The following KIF13B variants were observed in gnomAD, a reference collection of about 807,000 sequenced individuals.
The protein encoded by KIF13B is kinesin family member 13B, also known as kinesin-like protein KIF13B.
In KIF13B, 127 loss-of-function variants were observed where a neutral mutation model predicts 222.0. The observed-to-expected ratio is 0.57, with a 90% CI of 0.50 to 0.66. KIF13B has a LOEUF of 0.66. Among genes scored for constraint, KIF13B ranks in the 30% least tolerant of loss-of-function variants. KIF13B has a pLI of 0.00. For synonymous variants in KIF13B, 976 were observed against 919.0 expected, an observed-to-expected ratio of 1.06 and a Z score of -1.12; for missense variants, 2,173 against 2,379.0, an observed-to-expected ratio of 0.91 and a Z score of 1.80.
intron 36 of KIF13B, among the ~76,000 whole-genome samples, chr8:29,094,581 T>C (rs1030601546): frequency 6.6e-6 from 1 of 152,210 alleles, no homozygotes; most frequent in Non-Finnish European, 1.5e-5. Context: ...GGGAATTAAC[T>C]GGAGTCATGT....
intron 2 of KIF13B, among the ~76,000 whole-genome samples, chr8:29,232,299 A>C (rs910822750): frequency 6.6e-6 from 1 of 150,938 alleles, no homozygotes; most frequent in Non-Finnish European, 1.5e-5. Context: ...ATAAAAATTT[A>C]AAAATAAAAT....
chr8:29,204,770 C>CA (rs370585455), intron 2 of KIF13B, among the ~76,000 whole-genome samples: 1,666 of 131,890 alleles, frequency 0.013, 20 homozygotes, highest in South Asian at 0.035. Flanking sequence ...GGCCACAGAC[C>CA]AAAAAAAAAA....
At chr8:29,228,472 A>AAAAAAAAAAAAATATATATATATATATAT in intron 2 of KIF13B, among the ~76,000 whole-genome samples, 4 of 117,086 alleles carry the variant, frequency 3.4e-5, no homozygotes, top group Non-Finnish European at 5.3e-5. Flanking sequence ...ATCTTAAAAA[A>AAAAAAAAAAAAATATATATATATATATAT]ATATATATAT....
chr8:29,071,520 TC>T lies in KIF13B; in HGVS notation c.5218+99del. The stretch of plus-strand genomic sequence containing the variant: ...AGCCAAGCCGCTGCCTCCCGGCCCC[TC>T]CCTCTCCTGCCCGGACCCTGTCCCC... On this transcript the variant is annotated intron_variant, in intron 39 of 39. Coordinates refer to ENST00000524189, the MANE Select transcript of KIF13B (RefSeq NM_015254.4). The surrounding 1 kb of genome is among the most constrained non-coding windows in gnomAD (Gnocchi z 4.9). 9.0e-7 allele frequency: 1 copy of T among 1,116,274 alleles called. No homozygotes were observed. The highest frequency in any genetic ancestry group is 1.3e-6 in the Non-Finnish European group (1 of 777,074). The allele number at this position is 1,116,274 out of a possible 1,614,324, so 69.1% of individuals were successfully genotyped here.
At chr8:29,164,512 G>C (rs1811907604) in intron 12 of KIF13B, among the ~76,000 whole-genome samples, 2 of 152,214 alleles carry the variant, frequency 1.3e-5, no homozygotes, top group African/African-American at 4.8e-5. Context: ...ATACATAAGT[G>C]TATCCAATAA....
intron 15 of KIF13B, among the ~76,000 whole-genome samples, chr8:29,149,406 C>G (rs115448947): frequency 4.1e-4 from 62 of 152,290 alleles, no homozygotes; most frequent in African/African-American, 1.4e-3. Flanking sequence ...ACATCTGGAG[C>G]ACACCGACCA....
At chr8:29,178,840 T>C (rs995326240) in intron 8 of KIF13B, among the ~76,000 whole-genome samples, 1 of 152,202 alleles carries the variant, frequency 6.6e-6, no homozygotes, top group African/African-American at 2.4e-5. Context: ...CCTTCTGGTA[T>C]TTAAAATGGA....
Position 29,070,508 on chromosome 8 carries a change from C to G in KIF13B, c.5477G>C (p.Ser1826Thr). The change falls in exon 40 of 40, where the codon AGC (serine) becomes ACC (threonine). Residue 1826 changes from serine (S) to threonine (T), a missense_variant. This residue lies in a region of KIF13B where 693 missense variants were observed against 656.2 expected (regional missense o/e 1.06). Transcript: ENST00000524189. The surrounding 1 kb of genome is among the most constrained non-coding windows in gnomAD (Gnocchi z 4.1). ...KNPENRKSWAS is the reference protein window; with the variant it reads ...KNPENRKSWAT The stretch of plus-strand genomic sequence containing the variant: ...AGTTCGCCCTAAGGCAGCGGCTCAG[C>G]TGGCCCAGGATTTCCGGTTCTCAGG... The G allele has an allele frequency of 1.2e-6, 2 of 1,610,372 alleles. No individual in the cohort carries two copies. Among genetic ancestry groups the G allele is most frequent in the Non-Finnish European group, 1.7e-6 (2 of 1,178,730 alleles).
intron 1 of KIF13B, among the ~76,000 whole-genome samples, chr8:29,260,864 C>G (rs1223892720): frequency 6.6e-6 from 1 of 152,136 alleles, no homozygotes; most frequent in South Asian, 2.1e-4. Context: ...GTGATCCACC[C>G]GCCTCGGCCT....
At chr8:29,134,305 G>T in intron 21 of KIF13B, 95 bp from the exon 22 acceptor site, 1 of 1,167,390 alleles carries the variant, frequency 8.6e-7, no homozygotes, top group Non-Finnish European at 1.2e-6. Context: ...CACTAACTTA[G>T]GTGCTTATGA....
intron 36 of KIF13B, among the ~76,000 whole-genome samples, chr8:29,096,393 A>G (rs7006643): frequency 4.9e-4 from 70 of 143,358 alleles, no homozygotes; most frequent in African/African-American, 1.7e-3. Flanking sequence ...TCAACCTCCC[A>G]GGTTCAGGTA....
chr8:29,225,096 C>T (rs973649111), intron 2 of KIF13B, among the ~76,000 whole-genome samples: 17 of 152,246 alleles, frequency 1.1e-4, no homozygotes, highest in African/African-American at 2.9e-4. Flanking sequence ...AAAGACATCA[C>T]GGAAAGATAT....
At chr8:29,089,930 A>G (rs142266949) in intron 37 of KIF13B, among the ~76,000 whole-genome samples, 154 of 150,896 alleles carry the variant, frequency 1.0e-3, no homozygotes, top group African/African-American at 3.7e-3. Context: ...TAGTGCCTGC[A>G]TGTATGGTGG....
chr8:29,122,683 T>C (rs1165602334), intron 28 of KIF13B, 37 bp from the exon 29 acceptor site: 5 of 1,563,690 alleles, frequency 3.2e-6, no homozygotes, highest in Non-Finnish European at 4.4e-6. Context: ...TGCCTCAGGT[T>C]ACTTTCTCAG....
rs114176265 is a variant in KIF13B at position 29,254,533 on chromosome 8, G to A, written c.55+8447C>T. Reference sequence around the variant, plus strand: ...GAGATCTCTCTCAAGCTATACAAACGGCCAATATGCACATGAAAAGACGCT... The same window carrying A: ...GAGATCTCTCTCAAGCTATACAAACAGCCAATATGCACATGAAAAGACGCT... On this transcript the variant is annotated intron_variant, in intron 1 of 39. Coordinates refer to ENST00000524189, the MANE Select transcript of KIF13B (RefSeq NM_015254.4). Among the ~76,000 whole-genome samples the A allele has an allele frequency of 9.2e-3, 1,399 of 152,188 alleles. 21 individuals carry two copies. Among genetic ancestry groups the A allele is most frequent in the African/African-American group, 0.032 (1,315 of 41,528 alleles).
intron 35 of KIF13B, among the ~76,000 whole-genome samples, chr8:29,107,856 A>G (rs149280275): frequency 0.018 from 2,667 of 152,270 alleles, 35 homozygotes; most frequent in Non-Finnish European, 0.025. Context: ...CACTGCGCCC[A>G]GCCTGAAGTT....
At chr8:29,182,839 T>C (rs1326565240) in intron 6 of KIF13B, among the ~76,000 whole-genome samples, 7 of 152,120 alleles carry the variant, frequency 4.6e-5, no homozygotes, top group Non-Finnish European at 1.0e-4. Flanking sequence ...CAACATAATG[T>C]GTATTTCAAA....
intron 32 of KIF13B, among the ~76,000 whole-genome samples, chr8:29,113,095 C>T (rs928006425): frequency 3.3e-5 from 5 of 152,130 alleles, no homozygotes; most frequent in Non-Finnish European, 5.9e-5. Context: ...GAGTAATTTA[C>T]GCAAGTTCAC....
intron 15 of KIF13B, among the ~76,000 whole-genome samples, chr8:29,149,228 C>T (rs987965593): frequency 6.6e-6 from 1 of 152,160 alleles, no homozygotes; most frequent in Non-Finnish European, 1.5e-5. Context: ...TCAGCTTAAT[C>T]CAAACGATGA....
Sources: gnomAD v4.1 joint callset for allele counts (sites outside exome capture counted in the v4.1 genomes callset) on GRCh38, gnomAD v4.1.1 for gene constraint, gnomAD v4.1.1 regional missense constraint, Gnocchi (gnomAD v3.1) non-coding constraint, MANE v1.5 for transcripts, NCBI Gene and HGNC (gene_info 2026-07-23, HGNC 2026-07-21) for gene names.